Variants in NTN4 observed in about 807,000 individuals in gnomAD.
NTN4 encodes netrin-4.
Under a neutral mutation model 73.6 loss-of-function variants are expected in NTN4, and 32 were observed. That is an observed-to-expected ratio of 0.44 (90% confidence interval 0.33 to 0.58). The LOEUF is 0.58. NTN4 is among the 20% of genes least tolerant of loss of function. The pLI is 0.04. For missense variants in NTN4, 654 were observed against 798.3 expected, an observed-to-expected ratio of 0.82 and a Z score of 2.18; for synonymous variants, 258 against 287.5, an observed-to-expected ratio of 0.90 and a Z score of 1.04.
intron 7 of NTN4, among the ~76,000 whole-genome samples, chr12:95,671,640 T>C (rs1412600132): frequency 1.3e-5 from 2 of 152,130 alleles, no homozygotes; most frequent in Non-Finnish European, 2.9e-5. Context: ...CTGCCATCCA[T>C]GGAAAAATTG....
intron 5 of NTN4, among the ~76,000 whole-genome samples, chr12:95,693,284 G>GC (rs2078415439): frequency 1.4e-5 from 2 of 147,770 alleles, no homozygotes; most frequent in African/African-American, 5.0e-5. Flanking sequence ...TTGTAGATAT[G>GC]TTTTTTTTTT....
intron 8 of NTN4, among the ~76,000 whole-genome samples, chr12:95,668,544 A>C (rs1180497239): frequency 6.6e-6 from 1 of 152,248 alleles, no homozygotes; most frequent in Non-Finnish European, 1.5e-5. Context: ...GATAAGATTC[A>C]TGAGGTTTTT....
intron 2 of NTN4, among the ~76,000 whole-genome samples, chr12:95,749,743 G>A (rs2078889800): frequency 6.6e-6 from 1 of 151,962 alleles, no homozygotes; most frequent in Non-Finnish European, 1.5e-5. Context: ...CTGCTTTTCT[G>A]GGGAAGGGGC....
At chr12:95,660,912 T>C (rs2078132676) in intron 9 of NTN4, among the ~76,000 whole-genome samples, 1 of 152,172 alleles carries the variant, frequency 6.6e-6, no homozygotes, top group South Asian at 2.1e-4. Context: ...AAACGGCTTA[T>C]TCCAGGTTCA....
chr12:95,738,230 A>C lies in NTN4; in HGVS notation c.586-86T>G, dbSNP rs541493402. 1.1e-4 allele frequency: 133 copies of C among 1,226,370 alleles called. No homozygotes were observed. In the East Asian group the frequency reaches 3.1e-3, roughly 28 times the overall value. 76.0% of individuals were successfully genotyped at this position (1,226,370 alleles called of 1,614,324 possible). On this transcript the variant is annotated intron_variant, in intron 2 of 9. Transcript: ENST00000343702. The stretch of plus-strand genomic sequence containing the variant: ...GCCTAATGTAGTCCCTGTTTGATTT[A>C]TGCCTTATGTCATCTGTGAACGATA...
intron 2 of NTN4, among the ~76,000 whole-genome samples, chr12:95,772,062 A>G (rs1299179715): frequency 6.6e-6 from 1 of 152,100 alleles, no homozygotes; most frequent in East Asian, 1.9e-4. Flanking sequence ...TTTTTGAGAC[A>G]GGGTCTCACT....
rs1305879167 is a variant in NTN4, at chr12:95,729,389, C to CA, written c.864+8476dup. Reference sequence around the variant, plus strand: ...GATGCCAAATTAGAATCCCATATTACAAAAAAATCTTTTATGAGTTAACAA... The same window carrying CA: ...GATGCCAAATTAGAATCCCATATTACAAAAAAAATCTTTTATGAGTTAACAA... On this transcript the variant is annotated intron_variant, in intron 3 of 9. Transcript: ENST00000343702. Among the ~76,000 whole-genome samples, 2 of 151,864 alleles carry CA rather than the reference C, an allele frequency of 1.3e-5. 1 individual carries two copies. The highest frequency in any genetic ancestry group is 3.9e-4 in the East Asian group (2 of 5,190).
chr12:95,732,561 A>G (rs936312508), intron 3 of NTN4, among the ~76,000 whole-genome samples: 4 of 151,704 alleles, frequency 2.6e-5, no homozygotes, highest in Admixed American at 6.6e-5. Context: ...GTGCCACCAC[A>G]CCCAGCTAAT....
chr12:95,739,588 C>G (rs2078808037), intron 2 of NTN4, among the ~76,000 whole-genome samples: 1 of 152,190 alleles, frequency 6.6e-6, no homozygotes, highest in South Asian at 2.1e-4. Flanking sequence ...AACTGATTCT[C>G]AACGTGACCT....
chr12:95,766,475 G>A (rs967321985), intron 2 of NTN4, among the ~76,000 whole-genome samples: 1 of 152,118 alleles, frequency 6.6e-6, no homozygotes, highest in Non-Finnish European at 1.5e-5. Context: ...GAATTCATTT[G>A]GTCTTTGGAT....
In NTN4 at chr12:95,789,551, G is replaced by C. The variant is rs2079192896; in HGVS notation, c.55+704C>G. 6.6e-6 allele frequency among the ~76,000 whole-genome samples: 1 copy of C among 152,188 alleles called. No individual in the cohort carries two copies. Among genetic ancestry groups the C allele is most frequent in the African/African-American group, 2.4e-5 (1 of 41,446 alleles). On this transcript the variant is annotated intron_variant, in intron 1 of 9. Coordinates refer to ENST00000343702, the MANE Select transcript of NTN4 (RefSeq NM_021229.4). The surrounding 1 kb of genome is among the most constrained non-coding windows in gnomAD (Gnocchi z 4.0). Reference sequence around the variant, plus strand: ...CCCAAGAAAGCCAGGATGGGAGTGGGAGGGAGAGGGCATCTGCCGACGCCG... The same window carrying C: ...CCCAAGAAAGCCAGGATGGGAGTGGCAGGGAGAGGGCATCTGCCGACGCCG...
intron 7 of NTN4, chr12:95,673,385 G>T (rs2004786): frequency 0.34 from 80,663 of 237,442 alleles, 13,968 homozygotes; most frequent in Middle Eastern, 0.37. Flanking sequence ...AAGAACTTGT[G>T]GGGGAGGAAC....
intron 5 of NTN4, among the ~76,000 whole-genome samples, chr12:95,696,030 C>T (rs1435623095): frequency 1.3e-5 from 2 of 149,824 alleles, no homozygotes; most frequent in East Asian, 4.0e-4. Context: ...TCACTTCCTT[C>T]CTTCCTTCCT....
chr12:95,667,192 C>CTT (rs771438926), intron 8 of NTN4, among the ~76,000 whole-genome samples: 31 of 137,206 alleles, frequency 2.3e-4, no homozygotes, highest in East Asian at 1.7e-3. Flanking sequence ...TAGGGAAGTT[C>CTT]TTTTTTTTTT....
rs113055372 is a variant in NTN4, at chr12:95,691,765, G to A, written c.1181-8054C>T. Among the ~76,000 whole-genome samples, 1,263 of 152,100 alleles carry A rather than the reference G, an allele frequency of 8.3e-3. 19 individuals carry two copies. Among genetic ancestry groups the A allele is most frequent in the African/African-American group, 0.028 (1,154 of 41,468 alleles). ...TATGCTGACATTAATTATTCTTTTC[G>A]TTATAATTTTTAGTGTTCACAGCTG... is the stretch of plus-strand genomic sequence containing the variant. On this transcript the variant is annotated intron_variant, in intron 5 of 9. Transcript: ENST00000343702.
At chr12:95,675,480 A>ATGT (rs3051517) in intron 7 of NTN4, among the ~76,000 whole-genome samples, 52,904 of 151,818 alleles carry the variant, frequency 0.35, 9,117 homozygotes, top group Middle Eastern at 0.44. Context: ...TCATAATAAA[A>ATGT]TGTTGGGAAA....
chr12:95,709,063 GA>G (rs1287771044), intron 5 of NTN4, among the ~76,000 whole-genome samples: 1 of 152,146 alleles, frequency 6.6e-6, no homozygotes, highest in Admixed American at 6.5e-5. Context: ...TTATTTAAGA[GA>G]AAAAGCTTTT....
intron 7 of NTN4, among the ~76,000 whole-genome samples, chr12:95,678,887 T>C (rs1383062325): frequency 6.6e-6 from 1 of 152,152 alleles, no homozygotes; most frequent in Admixed American, 6.6e-5. Context: ...CCATAAAAAA[T>C]GATTTTTAAG....
At chr12:95,722,255 G>A (rs2078654029) in intron 3 of NTN4, among the ~76,000 whole-genome samples, 1 of 152,148 alleles carries the variant, frequency 6.6e-6, no homozygotes, top group Admixed American at 6.5e-5. Context: ...AACTGCTCAA[G>A]GGCAGAGAAA....
Sources: allele counts gnomAD v4.1 joint callset (sites outside exome capture counted in the v4.1 genomes callset), GRCh38; gene constraint gnomAD v4.1.1; non-coding constraint Gnocchi (gnomAD v3.1); transcripts MANE v1.5; gene names NCBI Gene and HGNC (gene_info 2026-07-23, HGNC 2026-07-21).